TSGA10IP: variants seen among roughly 807,000 people sequenced by gnomAD.
TSGA10IP encodes testis-specific protein 10-interacting protein.
TSGA10IP carries 64 observed loss-of-function variants against 63.2 expected under a neutral mutation model. The observed-to-expected ratio is 1.01, with a 90% CI of 0.83 to 1.25. The LOEUF (loss-of-function observed/expected upper bound fraction) is 1.25. Ranked by LOEUF, TSGA10IP falls within the 50% of genes most tolerant of loss-of-function variation. The pLI, the probability that TSGA10IP is intolerant of heterozygous loss-of-function variation, is 0.00. For synonymous variants in TSGA10IP, 316 were observed against 298.3 expected, an observed-to-expected ratio of 1.06 and a Z score of -0.61; for missense variants, 681 against 710.1, an observed-to-expected ratio of 0.96 and a Z score of 0.47.
exon 3 of TSGA10IP, chr11:65,947,342 C>G (rs1413549135): frequency 6.2e-7 from 1 of 1,612,144 alleles, no homozygotes; most frequent in East Asian, 2.2e-5. Context: ...GAAGGCGAGA[C>G]AGCAGCTGGG....
intron 5 of TSGA10IP, among the ~76,000 whole-genome samples, chr11:65,954,818 CAAAAA>C (rs35841625): frequency 1.4e-5 from 1 of 72,874 alleles, no homozygotes; most frequent in Non-Finnish European, 3.2e-5. Flanking sequence ...AACTCCATCT[CAAAAA>C]AAAAAAAAAA....
At chr11:65,956,940 G>C (rs1181759325) in intron 5 of TSGA10IP, among the ~76,000 whole-genome samples, 2 of 152,166 alleles carry the variant, frequency 1.3e-5, no homozygotes, top group East Asian at 3.8e-4. Context: ...ATTTGAGAGG[G>C]CTAAGGCATA....
At chr11:65,946,682 C>T (rs1854840384) in intron 1 of TSGA10IP, among the ~76,000 whole-genome samples, 198 bp from the exon 2 acceptor site, 2 of 152,142 alleles carry the variant, frequency 1.3e-5, no homozygotes, top group African/African-American at 2.4e-5. Flanking sequence ...TGATCCGCCC[C>T]CCTTGGCCTC....
chr11:65,953,673 G>A, exon 5 of TSGA10IP: 1 of 1,590,800 alleles, frequency 6.3e-7, no homozygotes. Flanking sequence ...CCACTGCCTG[G>A]CAGCCTACGC....
intron 4 of TSGA10IP, among the ~76,000 whole-genome samples, chr11:65,950,766 G>T (rs1385662454): frequency 6.6e-6 from 1 of 152,024 alleles, no homozygotes; most frequent in Non-Finnish European, 1.5e-5. Flanking sequence ...GTTTCACTGT[G>T]TTAGCCAGGA....
intron 4 of TSGA10IP, among the ~76,000 whole-genome samples, chr11:65,952,995 T>TTCCA (rs1854965186): frequency 6.6e-6 from 1 of 152,114 alleles, no homozygotes; most frequent in Non-Finnish European, 1.5e-5. Context: ...ATATTAATTC[T>TTCCA]TCCAAAGCAC....
At chr11:65,955,639 G>C (rs889365105) in intron 5 of TSGA10IP, among the ~76,000 whole-genome samples, 3 of 151,634 alleles carry the variant, frequency 2.0e-5, no homozygotes, top group Non-Finnish European at 4.4e-5. Flanking sequence ...GTTAGGTGCT[G>C]ATGCACGAGG....
intron 5 of TSGA10IP, among the ~76,000 whole-genome samples, chr11:65,957,082 G>A (rs1398930676): frequency 6.6e-6 from 1 of 152,204 alleles, no homozygotes; most frequent in Admixed American, 6.5e-5. Flanking sequence ...GGAGGGATGT[G>A]TCTCCTTCCA....
chr11:65,959,906 A>G, exon 8 of TSGA10IP: 1 of 1,612,968 alleles, frequency 6.2e-7, no homozygotes, highest in Non-Finnish European at 8.5e-7. Context: ...GACAGGCACT[A>G]CAACCCCAGC....
At chr11:65,957,886 T>C (rs1232316951) in intron 5 of TSGA10IP, among the ~76,000 whole-genome samples, 1 of 152,092 alleles carries the variant, frequency 6.6e-6, no homozygotes, top group African/African-American at 2.4e-5. Flanking sequence ...GCTGCTAGAG[T>C]GCTCTCTTCA....
intron 4 of TSGA10IP, among the ~76,000 whole-genome samples, chr11:65,950,124 C>G (rs933799211): frequency 5.3e-5 from 8 of 151,586 alleles, no homozygotes; most frequent in African/African-American, 1.9e-4. Context: ...GTGCGGGGAT[C>G]ACAGGCGTGA....
intron 4 of TSGA10IP, among the ~76,000 whole-genome samples, chr11:65,949,580 C>T (rs956132137): frequency 2.0e-5 from 3 of 152,024 alleles, no homozygotes; most frequent in Non-Finnish European, 4.4e-5. Flanking sequence ...CCACGCCTGG[C>T]TAATTTTTGT....
chr11:65,953,530 C>T lies in TSGA10IP; in HGVS notation c.1152-37C>T, dbSNP rs371135239. 4.8e-5 allele frequency: 73 copies of T among 1,515,022 alleles called. No individual in the cohort carries two copies. In the East Asian group the frequency reaches 5.9e-4, roughly 12 times the overall value. 93.8% of individuals were successfully genotyped at this position (1,515,022 alleles called of 1,614,324 possible). ...GGCCCTCCGTGAGGCTCCTGCTGCC[C>T]GTGAACCTCTCATTCCCCTTCCCTT... On this transcript the variant is annotated intron_variant, in intron 4 of 7. Coordinates refer to ENST00000532620, the Ensembl canonical transcript of TSGA10IP.
chr11:65,947,970 G>A lies in TSGA10IP; in HGVS notation c.1004-31G>A, dbSNP rs1459011566. ...TGCCTGGTGGGCTGAGAGGGAGAGG[G>A]CAGCCCCTGACTTGGTCCCACTGTG... is the stretch of plus-strand genomic sequence containing the variant. On this transcript the variant is annotated intron_variant, in intron 3 of 7. Coordinates refer to ENST00000532620, the Ensembl canonical transcript of TSGA10IP. The A allele has an allele frequency of 3.9e-6, 6 of 1,546,562 alleles. No individual in the cohort carries two copies. In the South Asian group the frequency reaches 7.2e-5, roughly 19 times the overall value.
chr11:65,949,066 T>C (rs1283877285), intron 4 of TSGA10IP, among the ~76,000 whole-genome samples: 1 of 151,682 alleles, frequency 6.6e-6, no homozygotes, highest in Non-Finnish European at 1.5e-5. Context: ...TAGCCTGGCT[T>C]GGTGGAAAGT....
At chr11:65,947,951 G>T (rs746720208) in intron 3 of TSGA10IP, 50 bp from the exon 4 acceptor site, 64 of 1,532,830 alleles carry the variant, frequency 4.2e-5, no homozygotes, top group Non-Finnish European at 5.4e-5. Flanking sequence ...GCGTTGCCTG[G>T]TGGGCTGAGA....
At chr11:65,947,452 G>A (rs760643782) in exon 3 of TSGA10IP, 42 of 1,613,476 alleles carry the variant, frequency 2.6e-5, no homozygotes, top group African/African-American at 4.0e-5. Context: ...GATCAGGATC[G>A]GCGTCCGACA....
chr11:65,947,866 T>G, intron 3 of TSGA10IP, 38 bp downstream of exon 3: 1 of 1,519,994 alleles, frequency 6.6e-7, no homozygotes, highest in South Asian at 1.3e-5. Context: ...CCCCCGAAGC[T>G]ACACCGCAGG....
At chr11:65,947,918 G>T in intron 3 of TSGA10IP, 83 bp from the exon 4 acceptor site, 1 of 1,515,028 alleles carries the variant, frequency 6.6e-7, no homozygotes, top group East Asian at 2.5e-5. Context: ...AGGCAGGCTG[G>T]GCTGTGCTCT....
Sources: allele counts gnomAD v4.1 joint callset (sites outside exome capture counted in the v4.1 genomes callset), GRCh38; gene constraint gnomAD v4.1.1; transcripts MANE v1.5; gene names NCBI Gene and HGNC (gene_info 2026-07-23, HGNC 2026-07-21).